RMDN2: variants seen among roughly 807,000 people sequenced by gnomAD.
RMDN2 encodes regulator of microtubule dynamics protein 2.
In RMDN2, 61 loss-of-function variants were observed where a neutral mutation model predicts 52.8. That is an observed-to-expected ratio of 1.16 (90% CI 0.94 to 1.43). The LOEUF (loss-of-function observed/expected upper bound fraction) is 1.43, where lower values mean the gene tolerates loss of function less well. Ranked by LOEUF, RMDN2 falls within the 40% of genes most tolerant of loss-of-function variation. The pLI is 0.00. For synonymous variants in RMDN2, 180 were observed against 153.1 expected, an observed-to-expected ratio of 1.18 and a Z score of -1.30; for missense variants, 592 against 475.3, an observed-to-expected ratio of 1.25 and a Z score of -2.28.
At chr2:38,011,021 A>G (rs1360193295) in intron 10 of RMDN2, among the ~76,000 whole-genome samples, 1 of 152,216 alleles carries the variant, frequency 6.6e-6, no homozygotes, top group African/African-American at 2.4e-5. Context: ...TGAAGCAAGC[A>G]TAATTCCTTC....
chr2:37,959,718 T>C (rs555179975), intron 2 of RMDN2, among the ~76,000 whole-genome samples: 1 of 150,940 alleles, frequency 6.6e-6, no homozygotes, highest in East Asian at 1.9e-4. Flanking sequence ...CTCTTGCTGC[T>C]CTAGTTCTTT....
Position 37,981,357 on chromosome 2 carries a change from A to T in RMDN2, c.791+14A>T. ...TTGTCATCTGTGGTAAGTGTATAGG[A>T]TTTATGCAGTCTTTTAAATTCTAAC... On this transcript the variant is annotated intron_variant, in intron 5 of 10. Coordinates refer to ENST00000354545, the MANE Select transcript of RMDN2 (RefSeq NM_001170791.3). 1.9e-6 allele frequency: 3 copies of T among 1,559,118 alleles called. No homozygotes were observed. Among genetic ancestry groups the T allele is most frequent in the Non-Finnish European group, 2.6e-6 (3 of 1,132,616 alleles).
intron 5 of RMDN2, among the ~76,000 whole-genome samples, chr2:37,988,976 G>C (rs2125127152): frequency 6.6e-6 from 1 of 152,044 alleles, no homozygotes; most frequent in South Asian, 2.1e-4. Context: ...AAGGAGAAGG[G>C]GAAATTTTTT....
chr2:37,997,702 A>G, intron 8 of RMDN2, 188 bp downstream of exon 8: 1 of 553,250 alleles, frequency 1.8e-6, no homozygotes, highest in Non-Finnish European at 3.2e-6. Context: ...TCCTTAGAAC[A>G]ACTAGTTATG....
chr2:38,001,580 A>G (rs1676329090), intron 8 of RMDN2, among the ~76,000 whole-genome samples: 1 of 152,238 alleles, frequency 6.6e-6, no homozygotes. Context: ...GTGTTAAGCT[A>G]TATATCCAGA....
At chr2:38,061,005 A>G (rs1476987507) in intron 10 of RMDN2, among the ~76,000 whole-genome samples, 2 of 152,244 alleles carry the variant, frequency 1.3e-5, no homozygotes, top group Non-Finnish European at 2.9e-5. Flanking sequence ...AGTGCTTAAA[A>G]GAATCAGTGT....
At position 38,017,421 on chromosome 2, in the gene RMDN2, G is replaced by C. The variant is rs767592120; in HGVS notation, c.*182G>C. 461 of 1,291,884 alleles carry C rather than the reference G, an allele frequency of 3.6e-4. No individual in the cohort carries two copies. The highest frequency in any genetic ancestry group is 4.5e-4 in the Non-Finnish European group (444 of 989,372). The allele number at this position is 1,291,884 out of a possible 1,614,324, so 80.0% of individuals were successfully genotyped here. On this transcript the variant is annotated 3_prime_UTR_variant, in exon 11 of 11. Transcript: ENST00000354545. ...ACTACAAAATTAATTATGTTATTTG[G>C]AGAATCTATATACTATAATGTCAAT...
intron 10 of RMDN2, among the ~76,000 whole-genome samples, chr2:38,008,676 T>G (rs1028857862): frequency 6.6e-6 from 1 of 152,204 alleles, no homozygotes; most frequent in Non-Finnish European, 1.5e-5. Flanking sequence ...CCTGTCTGTG[T>G]CTTAGTTGGA....
At chr2:38,016,803 G>C (rs1678854270) in intron 10 of RMDN2, among the ~76,000 whole-genome samples, 1 of 151,940 alleles carries the variant, frequency 6.6e-6, no homozygotes, top group Admixed American at 6.6e-5. Context: ...AAAGAAAGTG[G>C]CGAGCTTTTT....
At chr2:38,023,625 T>C (rs1269808833) in intron 10 of RMDN2, among the ~76,000 whole-genome samples, 1 of 152,188 alleles carries the variant, frequency 6.6e-6, no homozygotes, top group Non-Finnish European at 1.5e-5. Flanking sequence ...GGCCTGTTGA[T>C]TGGGAAATTA....
chr2:37,927,073 G>C (rs1418084797), intron 1 of RMDN2, among the ~76,000 whole-genome samples: 1 of 152,158 alleles, frequency 6.6e-6, no homozygotes, highest in Non-Finnish European at 1.5e-5. Context: ...GTTTTATGCT[G>C]TTATAAAACT....
intron 2 of RMDN2, among the ~76,000 whole-genome samples, chr2:37,947,484 A>G (rs1393181877): frequency 6.6e-6 from 1 of 152,200 alleles, no homozygotes; most frequent in East Asian, 1.9e-4. Flanking sequence ...CGCAAGTCAC[A>G]TGCAGACAGC....
At chr2:37,998,966 T>A (rs1283476049) in intron 8 of RMDN2, among the ~76,000 whole-genome samples, 2 of 152,206 alleles carry the variant, frequency 1.3e-5, no homozygotes, top group East Asian at 1.9e-4. Context: ...TGTATAAGAA[T>A]GTAGATTATG....
At chr2:37,961,415 C>G (rs189434261) in intron 2 of RMDN2, among the ~76,000 whole-genome samples, 18 of 151,922 alleles carry the variant, frequency 1.2e-4, no homozygotes, top group Admixed American at 7.2e-4. Flanking sequence ...CTAATCTTGT[C>G]TTTACAATTT....
At chr2:37,923,107 T>TG (rs1416815384), upstream of RMDN2, 2 of 152,132 alleles carry the variant, frequency 1.3e-5, no homozygotes, top group African/African-American at 4.8e-5. Flanking sequence ...TTCCTAGTAG[T>TG]GGGGAGGGGA....
chr2:37,965,063 C>A (rs1219029892), intron 2 of RMDN2, among the ~76,000 whole-genome samples: 1 of 151,984 alleles, frequency 6.6e-6, no homozygotes, highest in Non-Finnish European at 1.5e-5. Flanking sequence ...CTTTTGTTTA[C>A]TGTTTTCATG....
chr2:38,024,628 G>A (rs1374194), intron 10 of RMDN2, among the ~76,000 whole-genome samples: 52,639 of 151,842 alleles, frequency 0.35, 10,370 homozygotes, highest in East Asian at 0.69. Flanking sequence ...AAATTGAGAC[G>A]TTTTGGTTTT....
chr2:37,986,405 G>C (rs1184348820), intron 5 of RMDN2, among the ~76,000 whole-genome samples: 2 of 152,142 alleles, frequency 1.3e-5, no homozygotes, highest in African/African-American at 4.8e-5. Context: ...AATTACATAA[G>C]ATAGAAGTAG....
chr2:37,996,339 C>T (rs1675531519), intron 7 of RMDN2, among the ~76,000 whole-genome samples: 1 of 152,112 alleles, frequency 6.6e-6, no homozygotes, highest in East Asian at 1.9e-4. Flanking sequence ...AATCCTAGCA[C>T]TTTGAGAGTC....
Sources: gnomAD v4.1 joint callset for allele counts (sites outside exome capture counted in the v4.1 genomes callset) on GRCh38, gnomAD v4.1.1 for gene constraint, MANE v1.5 for transcripts, NCBI Gene and HGNC (gene_info 2026-07-23, HGNC 2026-07-21) for gene names.